PTPN2: variants seen among roughly 807,000 people sequenced by gnomAD.
The protein encoded by PTPN2 is protein tyrosine phosphatase non-receptor type 2.
In PTPN2, 19 loss-of-function variants were observed where a neutral mutation model predicts 57.3. That is an observed-to-expected ratio of 0.33 (90% CI 0.23 to 0.49). The LOEUF is 0.49. Among genes scored for constraint, PTPN2 ranks in the 20% least tolerant of loss-of-function variants. The probability of loss-of-function intolerance (pLI) is 0.99; values close to 1 mark genes in which losing one functional copy is unlikely to be tolerated. For missense variants in PTPN2, 358 were observed against 501.1 expected (o/e 0.71, Z 2.73); for synonymous variants, 153 against 164.9 (o/e 0.93, Z 0.55).
intron 8 of PTPN2, among the ~76,000 whole-genome samples, chr18:12,800,997 G>A (rs12961124): frequency 0.024 from 3,704 of 152,146 alleles, 70 homozygotes; most frequent in Non-Finnish European, 0.034. Flanking sequence ...TTTATTAAAG[G>A]CATATTATCA....
chr18:12,803,532 G>A (rs1018149418), intron 7 of PTPN2, among the ~76,000 whole-genome samples: 3 of 152,170 alleles, frequency 2.0e-5, no homozygotes, highest in Non-Finnish European at 4.4e-5. Context: ...CACTAAGACT[G>A]AAAGTGAAGG....
chr18:12,884,075 A>G lies in PTPN2; in HGVS notation c.67T>C (p.Leu23=), dbSNP rs1442739806. ...DTQRRWQPLY[L]EIRNESHDYP... is the part of the protein sequence containing the mutation. Reference sequence around the variant, plus strand: ...TGCCGCGTGGGTCCGCGACTCACCAAGTACAGCGGCTGCCAGCGACGCTGA... The same window carrying G: ...TGCCGCGTGGGTCCGCGACTCACCAGGTACAGCGGCTGCCAGCGACGCTGA... Residue 23 remains leucine (L), a splice_region_variant and synonymous_variant, in exon 1 of 9, where the codon TTG becomes CTG. Coordinates refer to ENST00000309660, the MANE Select transcript of PTPN2 (RefSeq NM_002828.4). 6.3e-7 allele frequency: 1 copy of G among 1,576,974 alleles called. No homozygotes were observed. Among genetic ancestry groups the G allele is most frequent in the Admixed American group, 1.8e-5 (1 of 54,998 alleles).
chr18:12,851,485 C>CAA (rs1218202992), intron 2 of PTPN2, among the ~76,000 whole-genome samples: 238 of 9,870 alleles, frequency 0.024, 51 homozygotes, highest in African/African-American at 0.045. Context: ...GACTCCGTCT[C>CAA]AAAAAAAAAA....
At chr18:12,841,643 C>T (rs538550044) in intron 2 of PTPN2, among the ~76,000 whole-genome samples, 1 of 152,142 alleles carries the variant, frequency 6.6e-6, no homozygotes, top group Non-Finnish European at 1.5e-5. Context: ...AAATCATCAG[C>T]GTCTTTCAAC....
At chr18:12,828,218 T>TA (rs1179540771) in intron 4 of PTPN2, among the ~76,000 whole-genome samples, 5 of 152,122 alleles carry the variant, frequency 3.3e-5, no homozygotes, top group African/African-American at 1.2e-4. Flanking sequence ...CACTGACATG[T>TA]AAAAAAATCA....
intron 1 of PTPN2, among the ~76,000 whole-genome samples, chr18:12,865,813 C>CA (rs1224651194): frequency 9.4e-4 from 135 of 143,784 alleles, no homozygotes; most frequent in African/African-American, 1.7e-3. Flanking sequence ...ACCCCACTCC[C>CA]AAAAAAAAAA....
At chr18:12,830,440 T>G (rs1454859192) in intron 4 of PTPN2, among the ~76,000 whole-genome samples, 1 of 152,160 alleles carries the variant, frequency 6.6e-6, no homozygotes, top group Non-Finnish European at 1.5e-5. Context: ...GCCTAATCCT[T>G]AATTTTTAAA....
In PTPN2 at chr18:12,856,607, A is replaced by G. The variant is rs942802643; in HGVS notation, c.160+2557T>C. 3.9e-5 allele frequency among the ~76,000 whole-genome samples: 6 copies of G among 152,188 alleles called. No individual in the cohort carries two copies. In the East Asian group the frequency reaches 9.6e-4, roughly 24 times the overall value. ...ATGATGGAGGGAGGCCTGATAACGC[A>G]TATTTTAAAGAGTCTCCCTGCAGCC... On this transcript the variant is annotated intron_variant, in intron 2 of 8. Transcript: ENST00000309660.
chr18:12,873,780 G>A (rs2044361772), intron 1 of PTPN2, among the ~76,000 whole-genome samples: 2 of 151,548 alleles, frequency 1.3e-5, no homozygotes. Flanking sequence ...CCCTCTGCCT[G>A]GCTGCCCAGT....
downstream of PTPN2, among the ~76,000 whole-genome samples, chr18:12,790,205 T>A (rs537917258): frequency 2.0e-5 from 3 of 152,252 alleles, no homozygotes; most frequent in Non-Finnish European, 4.4e-5. Context: ...AATACAGGTG[T>A]GAGCTACTGT....
chr18:12,870,319 GTGTATATATATGTATATATATACA>G (rs2044163247), intron 1 of PTPN2, among the ~76,000 whole-genome samples: 1 of 36,224 alleles, frequency 2.8e-5, no homozygotes, highest in Non-Finnish European at 5.0e-5. Flanking sequence ...ACATATATAT[GTGTATATATATGTATATATATACA>G]TATATATGTG....
At position 12,793,331 on chromosome 18, in the gene PTPN2, G is replaced by C; in HGVS notation, c.*947C>G. 1 of 975,574 alleles carries C rather than the reference G, an allele frequency of 1.0e-6. No homozygotes were observed. The highest frequency in any genetic ancestry group is 1.2e-6 in the Non-Finnish European group (1 of 820,474). The allele number at this position is 975,574 out of a possible 1,614,324, so 60.4% of individuals were successfully genotyped here. A position where few individuals can be genotyped will look rare whatever the true frequency, so the allele number is the denominator to read the frequency against. ...CTTCAAAACTTCAGTCTAGTAAACT[G>C]AAATTATGAATCATAAAATGCTGCT... On this transcript the variant is annotated 3_prime_UTR_variant, in exon 9 of 9. Coordinates refer to ENST00000309660, the MANE Select transcript of PTPN2 (RefSeq NM_002828.4).
intron 1 of PTPN2, among the ~76,000 whole-genome samples, chr18:12,881,133 GC>G (rs1375773712): frequency 6.6e-6 from 1 of 152,140 alleles, no homozygotes; most frequent in Non-Finnish European, 1.5e-5. Flanking sequence ...GAACGATCTT[GC>G]TAACAAGTAA....
In PTPN2 at chr18:12,859,137, C is replaced by G. The variant is rs772696335; in HGVS notation, c.160+27G>C. 5 of 1,577,914 alleles carry G rather than the reference C, an allele frequency of 3.2e-6. No individual in the cohort carries two copies. The Admixed American group carries it at 8.4e-5, about 27-fold the overall frequency. ...CTCCTAAAACAAACCAAAAAATACA[C>G]ATGCACACAAACCCACAAGTACTTA... On this transcript the variant is annotated intron_variant, in intron 2 of 8. Coordinates refer to ENST00000309660, the MANE Select transcript of PTPN2 (RefSeq NM_002828.4).
intron 1 of PTPN2, among the ~76,000 whole-genome samples, chr18:12,877,794 A>G (rs1165587346): frequency 5.2e-4 from 78 of 151,258 alleles, no homozygotes; most frequent in Non-Finnish European, 9.0e-4. Context: ...GGTGGATCAC[A>G]AAGTCAGGAG....
intron 2 of PTPN2, among the ~76,000 whole-genome samples, chr18:12,850,399 G>GAA (rs1233424118): frequency 6.6e-6 from 1 of 152,070 alleles, no homozygotes; most frequent in East Asian, 1.9e-4. Context: ...TGAGGCAGGA[G>GAA]AATTGCTTGA....
At chr18:12,846,831 T>C (rs1237360871) in intron 2 of PTPN2, among the ~76,000 whole-genome samples, 2 of 152,218 alleles carry the variant, frequency 1.3e-5, no homozygotes, top group Admixed American at 1.3e-4. Flanking sequence ...CTGAAAACCA[T>C]GCATTCATAC....
chr18:12,789,300 T>C (rs2040921139), downstream of PTPN2, among the ~76,000 whole-genome samples: 1 of 152,136 alleles, frequency 6.6e-6, no homozygotes, highest in Admixed American at 6.5e-5. Context: ...GAAAGTGGAA[T>C]TGAAACGAAA....
intron 1 of PTPN2, among the ~76,000 whole-genome samples, chr18:12,860,325 G>A (rs1001757080): frequency 4.0e-5 from 6 of 151,866 alleles, no homozygotes; most frequent in East Asian, 1.9e-4. Flanking sequence ...TAGGCTGTGC[G>A]CGGTGGCTCA....
Sources: allele counts gnomAD v4.1 joint callset (sites outside exome capture counted in the v4.1 genomes callset), GRCh38; gene constraint gnomAD v4.1.1; transcripts MANE v1.5; gene names NCBI Gene and HGNC (gene_info 2026-07-23, HGNC 2026-07-21).